SP110: variants seen among roughly 807,000 people sequenced by gnomAD.
SP110 encodes the protein SP110 nuclear body protein.
A neutral mutation model predicts 92.7 loss-of-function variants in SP110; 62 were observed. That is an observed-to-expected ratio of 0.67 (90% CI 0.55 to 0.83). The LOEUF is 0.83. Ranked by LOEUF, SP110 falls within the 40% of genes least tolerant of loss-of-function variation. SP110 has a pLI of 0.00. For synonymous variants in SP110, 273 were observed against 305.3 expected (o/e 0.89, Z 1.10); for missense variants, 793 against 863.9 (o/e 0.92, Z 1.03).
chr2:230,177,635 G>T lies in SP110; in HGVS notation c.1493C>A (p.Thr498Lys). ...TCCTTCGACTTCAAATTCATTTGGT[G>T]TTAACCAAGTTCCATCCTCATTCCG... ...CIRNEDGTWL[T>K]PNEFEVEGKG... The change falls in exon 14 of 19, where the codon ACA becomes AAA. Residue 498 changes from threonine (T) to lysine (K), a missense_variant. Coordinates refer to ENST00000258381, the MANE Select transcript of SP110 (RefSeq NM_080424.4). 4 of 1,614,068 alleles carry T rather than the reference G, an allele frequency of 2.5e-6. No homozygotes were observed. Among genetic ancestry groups the T allele is most frequent in the Non-Finnish European group, 3.4e-6 (4 of 1,179,942 alleles).
exon 1 of SP110, chr2:230,225,599 A>G: frequency 3.5e-6 from 2 of 572,970 alleles, no homozygotes; most frequent in Non-Finnish European, 6.3e-6. Flanking sequence ...GGCAGGAACA[A>G]GTGACCCTGT....
At chr2:230,194,800 C>T (rs2042789510) in intron 10 of SP110, among the ~76,000 whole-genome samples, 1 of 152,172 alleles carries the variant, frequency 6.6e-6, no homozygotes, top group Non-Finnish European at 1.5e-5. Context: ...TTGTCTGATG[C>T]CTCATGTCCA....
At chr2:230,172,787 C>T (rs2078481651) in intron 15 of SP110, 57 bp downstream of exon 15, 13 of 1,186,850 alleles carry the variant, frequency 1.1e-5, no homozygotes, top group East Asian at 4.7e-5. Context: ...ACAGGTCCTG[C>T]CCTTTCCATC....
intron 12 of SP110, among the ~76,000 whole-genome samples, chr2:230,182,588 A>G (rs1243015517): frequency 6.6e-6 from 1 of 152,102 alleles, no homozygotes; most frequent in Admixed American, 6.6e-5. Context: ...AGCAGGAACG[A>G]GGTGGGAGCA....
intron 10 of SP110, among the ~76,000 whole-genome samples, chr2:230,191,948 G>A (rs1369563587): frequency 6.6e-6 from 1 of 152,118 alleles, no homozygotes. Flanking sequence ...TGATCAAGTC[G>A]GTTTCATCTC....
intron 10 of SP110, chr2:230,200,444 T>G (rs2043079431): frequency 5.3e-6 from 1 of 187,368 alleles, no homozygotes; most frequent in South Asian, 9.5e-5. Flanking sequence ...AGTTTTTCGC[T>G]TCTCAATTTT....
At position 230,202,704 on chromosome 2, in the gene SP110, A is replaced by G; in HGVS notation, c.923T>C (p.Ile308Thr). 2 of 1,614,002 alleles carry G rather than the reference A, an allele frequency of 1.2e-6. No homozygotes were observed. The highest frequency in any genetic ancestry group is 1.1e-5 in the South Asian group (1 of 91,074). Reference protein sequence around the residue: ...PGGTASSRHGIQKKLKRVDQV... With the variant: ...PGGTASSRHGTQKKLKRVDQV... ...ATCCACCCTTTTGAGCTTCTTTTGGATTCCGTGTCTAGATGAGGCTGTCCC... is the reference window on the plus strand; with the variant it reads ...ATCCACCCTTTTGAGCTTCTTTTGGGTTCCGTGTCTAGATGAGGCTGTCCC... Residue 308 changes from isoleucine to threonine, a missense_variant, in exon 9 of 19, where the codon ATC becomes ACC. Ile to Thr is a moderately conservative substitution (Grantham distance 89, BLOSUM62 -1). Transcript: ENST00000258381.
At position 230,166,069 on chromosome 2, in the gene SP110, T is replaced by C. The variant is rs2078307421; in HGVS notation, c.*3055A>G. Among the ~76,000 whole-genome samples, 1 of 152,096 alleles carries C rather than the reference T, an allele frequency of 6.6e-6. No individual in the cohort carries two copies. The highest frequency in any genetic ancestry group is 2.4e-5 in the African/African-American group (1 of 41,404). ...CCACCACGCCTGGCTAATTTTTGTA[T>C]TTTTAGTAGAGACGGGGTTTCACCA... On this transcript the variant is annotated 3_prime_UTR_variant, in exon 19 of 19. Coordinates refer to ENST00000258381, the MANE Select transcript of SP110 (RefSeq NM_080424.4).
At position 230,175,871 on chromosome 2, in the gene SP110, G is replaced by T. The variant is rs140547371; in HGVS notation, c.1590+1667C>A. 2.0e-5 allele frequency among the ~76,000 whole-genome samples: 3 copies of T among 151,910 alleles called. No individual in the cohort carries two copies. The East Asian group carries it at 5.8e-4, about 29-fold the overall frequency. On this transcript the variant is annotated intron_variant, in intron 14 of 18. Coordinates refer to ENST00000258381, the MANE Select transcript of SP110 (RefSeq NM_080424.4). ...CAATACTCAGTATGCAATCATGGAT[G>T]ATCCTCTTGTCCTTTCATATACTGT...
Position 230,209,931 on chromosome 2 carries a change from C to G in SP110, c.829G>C (p.Gly277Arg). The G allele has an allele frequency of 6.3e-7, 1 of 1,589,966 alleles. No homozygotes were observed. The highest frequency in any genetic ancestry group is 1.3e-5 in the African/African-American group (1 of 74,548). Reference protein sequence around the residue: ...EVSSTPSDKKGKKRKRCIWST... With the variant: ...EVSSTPSDKKRKKRKRCIWST... ...TCTACAGAAGAAAGGCTTTTCTTAC[C>G]TTTCTTGTCTGAAGGTGTGCTGGAC... is the stretch of plus-strand genomic sequence containing the variant. The change falls in exon 7 of 19, where the codon GGA (glycine) becomes CGA (arginine). Residue 277 changes from glycine to arginine, a missense_variant and splice_region_variant. Physicochemically the swap from Gly to Arg is moderately radical, Grantham distance 125 (BLOSUM62 -2). Coordinates refer to ENST00000258381, the MANE Select transcript of SP110 (RefSeq NM_080424.4).
chr2:230,212,738 G>A, intron 4 of SP110, 23 bp downstream of exon 4: 1 of 1,613,698 alleles, frequency 6.2e-7, no homozygotes, highest in South Asian at 1.1e-5. Context: ...ATATACAGGT[G>A]TTGGATGGGA....
intron 18 of SP110, among the ~76,000 whole-genome samples, chr2:230,169,888 A>G (rs2078387633): frequency 6.6e-6 from 1 of 152,182 alleles, no homozygotes; most frequent in Non-Finnish European, 1.5e-5. Context: ...CCAGGCACTG[A>G]GTGGCTCTCT....
chr2:230,189,948 A>C (rs948096209), intron 10 of SP110, among the ~76,000 whole-genome samples: 3 of 152,066 alleles, frequency 2.0e-5, no homozygotes, highest in African/African-American at 7.2e-5. Flanking sequence ...TAAATGCTGG[A>C]TTCTTTATCC....
chr2:230,184,524 G>A (rs1439924090), intron 11 of SP110, among the ~76,000 whole-genome samples: 1 of 152,184 alleles, frequency 6.6e-6, no homozygotes, highest in Non-Finnish European at 1.5e-5. Flanking sequence ...AGTCCAAAAT[G>A]TCAATAATGC....
In SP110 at chr2:230,170,679, A is replaced by C; in HGVS notation, c.1970T>G (p.Val657Gly). ...GCGCATGTCTCGCACAAACCATGCC[A>C]CCGTGTACATTTCCGTAATCAGCCT... ...KERLITEMYTVAWFVRDMRLM... is the reference protein window; with the variant it reads ...KERLITEMYTGAWFVRDMRLM... Residue 657 changes from valine to glycine, a missense_variant, in exon 18 of 19, where the codon GTG becomes GGG. Val to Gly is a moderately radical substitution (Grantham distance 109). Transcript: ENST00000258381. The C allele has an allele frequency of 6.2e-7, 1 of 1,614,064 alleles. No individual in the cohort carries two copies.
chr2:230,169,506 G>C (rs1178869568), intron 18 of SP110, among the ~76,000 whole-genome samples: 1 of 152,098 alleles, frequency 6.6e-6, no homozygotes, highest in African/African-American at 2.4e-5. Context: ...CAGAGATCGG[G>C]GTGAGGAGGC....
At chr2:230,183,165 CAG>C (rs1560536977) in intron 12 of SP110, among the ~76,000 whole-genome samples, 1 of 152,130 alleles carries the variant, frequency 6.6e-6, no homozygotes, top group Non-Finnish European at 1.5e-5. Context: ...GCCGAGGGTG[CAG>C]AGAGGCTGAA....
chr2:230,197,386 G>A (rs544110607), intron 10 of SP110, among the ~76,000 whole-genome samples: 27 of 151,156 alleles, frequency 1.8e-4, no homozygotes, highest in African/African-American at 6.6e-4. Flanking sequence ...TTTTTGATGG[G>A]GTTGTTTGTT....
At position 230,211,831 on chromosome 2, in the gene SP110, CT is replaced by C. The variant is rs2044516010; in HGVS notation, c.668-279del. Among the ~76,000 whole-genome samples, 1 of 152,158 alleles carries C rather than the reference CT, an allele frequency of 6.6e-6. No individual in the cohort carries two copies. The highest frequency in any genetic ancestry group is 2.4e-5 in the African/African-American group (1 of 41,418). On this transcript the variant is annotated intron_variant, in intron 5 of 18. Coordinates refer to ENST00000258381, the MANE Select transcript of SP110 (RefSeq NM_080424.4). The surrounding 1 kb of genome is among the most constrained non-coding windows in gnomAD (Gnocchi z 4.2). ...ATTATTTGGATCGAAGAGGACCCCT[CT>C]TCTCAGTACTGGAGAGCTCAGAATC...
Sources: allele counts gnomAD v4.1 joint callset (sites outside exome capture counted in the v4.1 genomes callset), GRCh38; gene constraint gnomAD v4.1.1; non-coding constraint Gnocchi (gnomAD v3.1); transcripts MANE v1.5; gene names NCBI Gene and HGNC (gene_info 2026-07-23, HGNC 2026-07-21).